The following FSTL5 variants were observed in gnomAD, a reference collection of about 807,000 sequenced individuals.
FSTL5 encodes follistatin-related protein 5.
FSTL5 carries 62 observed loss-of-function variants against 89.1 expected under a neutral mutation model. The observed-to-expected ratio is 0.70, with a 90% CI of 0.57 to 0.86. The LOEUF is 0.86. Ranked by LOEUF, FSTL5 falls within the 40% of genes least tolerant of loss-of-function variation. The pLI is 0.00. For synonymous variants in FSTL5, 383 were observed against 346.2 expected (o/e 1.11, Z -1.18); for missense variants, 1,057 against 1,001.6 (o/e 1.06, Z -0.75).
chr4:161,543,250 T>C (rs1731893330), intron 8 of FSTL5, among the ~76,000 whole-genome samples: 2 of 151,994 alleles, frequency 1.3e-5, no homozygotes, highest in South Asian at 2.1e-4. Flanking sequence ...TACTAAATAC[T>C]ATGAAACTTT....
At chr4:161,759,588 A>G in intron 5 of FSTL5, 57 bp from the exon 6 acceptor site, 2 of 1,055,338 alleles carry the variant, frequency 1.9e-6, no homozygotes, top group Non-Finnish European at 2.6e-6. Flanking sequence ...TTTCTATAAT[A>G]TAATTTATTA....
chr4:161,890,356 T>C (rs2110749445), intron 4 of FSTL5, among the ~76,000 whole-genome samples: 1 of 152,104 alleles, frequency 6.6e-6, no homozygotes, highest in East Asian at 1.9e-4. Context: ...AGTCCCTTTT[T>C]CCTCTATTAA....
chr4:161,962,936 C>T (rs190192284), intron 3 of FSTL5, among the ~76,000 whole-genome samples: 5 of 151,916 alleles, frequency 3.3e-5, no homozygotes, highest in Non-Finnish European at 7.4e-5. Context: ...CAGCAGAATC[C>T]ATTCTTCCTT....
intron 8 of FSTL5, among the ~76,000 whole-genome samples, chr4:161,570,975 G>A (rs1365710750): frequency 4.6e-5 from 7 of 151,984 alleles, no homozygotes; most frequent in African/African-American, 1.7e-4. Context: ...TTAGCCAGGC[G>A]TGGTGGTGGG....
chr4:161,684,038 G>T (rs1188953198), intron 6 of FSTL5, among the ~76,000 whole-genome samples: 2 of 152,096 alleles, frequency 1.3e-5, no homozygotes, highest in African/African-American at 4.8e-5. Flanking sequence ...TGCAATAATA[G>T]TCTCCAATCT....
chr4:161,856,288 C>T (rs1731718563), intron 4 of FSTL5, among the ~76,000 whole-genome samples: 1 of 151,836 alleles, frequency 6.6e-6, no homozygotes, highest in Non-Finnish European at 1.5e-5. Context: ...TAGAGGTGGG[C>T]AAATGTGTTT....
chr4:161,428,134 A>G (rs1732226653), intron 15 of FSTL5, among the ~76,000 whole-genome samples: 1 of 152,108 alleles, frequency 6.6e-6, no homozygotes, highest in African/African-American at 2.4e-5. Flanking sequence ...CTGTCAGAGC[A>G]GAAAGCAACA....
intron 3 of FSTL5, among the ~76,000 whole-genome samples, chr4:161,937,611 G>C (rs1260471250): frequency 6.6e-6 from 1 of 152,168 alleles, no homozygotes; most frequent in African/African-American, 2.4e-5. Context: ...GGGAAGTCTA[G>C]AAGGCCATAA....
In FSTL5 at chr4:161,745,168, A is replaced by G. The variant is rs113204401; in HGVS notation, c.727+14243T>C. ...GAAGCTGATAAGTCCCACTATCTCC[A>G]TAAACTATTAAAAAAGCCCTTAAAT... On this transcript the variant is annotated intron_variant, in intron 6 of 15. Coordinates refer to ENST00000306100, the MANE Select transcript of FSTL5 (RefSeq NM_020116.5). Among the ~76,000 whole-genome samples, 690 of 152,232 alleles carry G rather than the reference A, an allele frequency of 4.5e-3. 6 individuals carry two copies. The highest frequency in any genetic ancestry group is 0.016 in the African/African-American group (650 of 41,576).
At chr4:161,671,332 T>G (rs374222698) in intron 6 of FSTL5, among the ~76,000 whole-genome samples, 1 of 152,292 alleles carries the variant, frequency 6.6e-6, no homozygotes, top group East Asian at 1.9e-4. Flanking sequence ...CACCTGTTTT[T>G]GAAAATAAAG....
chr4:161,755,103 T>G (rs1740525669), intron 6 of FSTL5, among the ~76,000 whole-genome samples: 1 of 152,010 alleles, frequency 6.6e-6, no homozygotes, highest in Non-Finnish European at 1.5e-5. Context: ...AACTTATTAT[T>G]TATTGGATCC....
chr4:162,009,433 GA>G (rs1473510862), intron 3 of FSTL5, among the ~76,000 whole-genome samples: 2 of 151,990 alleles, frequency 1.3e-5, no homozygotes, highest in Non-Finnish European at 2.9e-5. Flanking sequence ...GCAGTTCCAT[GA>G]AAAGGCAAAA....
intron 4 of FSTL5, among the ~76,000 whole-genome samples, chr4:161,854,291 T>C (rs530492735): frequency 3.9e-5 from 6 of 152,286 alleles, no homozygotes; most frequent in East Asian, 1.9e-4. Flanking sequence ...ATTCTGTCCT[T>C]AGAAAGGGCT....
chr4:162,003,358 C>A (rs1202596618), intron 3 of FSTL5, among the ~76,000 whole-genome samples: 2 of 152,004 alleles, frequency 1.3e-5, no homozygotes, highest in South Asian at 2.1e-4. Flanking sequence ...GATGGGTAAC[C>A]AAGTCATAGC....
At chr4:161,545,359 A>C (rs2126548705) in intron 8 of FSTL5, among the ~76,000 whole-genome samples, 1 of 152,164 alleles carries the variant, frequency 6.6e-6, no homozygotes, top group South Asian at 2.1e-4. Context: ...ATGTGTGTGC[A>C]CACGTAATTT....
chr4:161,434,260 C>T (rs1301240813), intron 15 of FSTL5, among the ~76,000 whole-genome samples: 1 of 151,946 alleles, frequency 6.6e-6, no homozygotes, highest in East Asian at 1.9e-4. Context: ...CACATATATA[C>T]AGTAAAGTCA....
chr4:161,424,172 C>T (rs570805848), intron 15 of FSTL5, among the ~76,000 whole-genome samples: 4 of 151,782 alleles, frequency 2.6e-5, no homozygotes, highest in Admixed American at 2.6e-4. Flanking sequence ...CCACCACGCC[C>T]AGCCCTTTCC....
chr4:162,020,750 G>GA (rs1164613871), intron 3 of FSTL5, among the ~76,000 whole-genome samples: 4 of 151,652 alleles, frequency 2.6e-5, no homozygotes, highest in South Asian at 2.1e-4. Flanking sequence ...AAAAAAAACA[G>GA]AAAAAAGTTA....
intron 6 of FSTL5, among the ~76,000 whole-genome samples, chr4:161,711,745 C>T (rs977475867): frequency 2.6e-5 from 4 of 151,952 alleles, no homozygotes; most frequent in Admixed American, 1.3e-4. Context: ...TACAAACAAA[C>T]AAATCAGAAA....
Sources: gnomAD v4.1 joint callset for allele counts (sites outside exome capture counted in the v4.1 genomes callset) on GRCh38, gnomAD v4.1.1 for gene constraint, MANE v1.5 for transcripts, NCBI Gene and HGNC (gene_info 2026-07-23, HGNC 2026-07-21) for gene names.